Variants in TRIM39 observed in about 807,000 individuals in gnomAD.
The protein encoded by TRIM39 is tripartite motif containing 39, also known as E3 ubiquitin-protein ligase TRIM39.
A neutral mutation model predicts 53.6 loss-of-function variants in TRIM39; 5 were observed. The ratio of observed to expected loss-of-function variants is 0.09; its 90% CI spans 0.05 to 0.20. The LOEUF (loss-of-function observed/expected upper bound fraction) is 0.20. Ranked by LOEUF, TRIM39 falls within the 10% of genes least tolerant of loss-of-function variation. The pLI is 1.00. For synonymous variants in TRIM39, 196 were observed against 237.6 expected, an observed-to-expected ratio of 0.82 and a Z score of 1.61; for missense variants, 310 against 621.0, an observed-to-expected ratio of 0.50 and a Z score of 5.32.
intron 4 of TRIM39, 123 bp downstream of exon 4, chr6:30,330,999 G>A: frequency 8.5e-7 from 1 of 1,181,666 alleles, no homozygotes; most frequent in South Asian, 1.5e-5. Context: ...GCCGGACATG[G>A]TGGCTCACAC....
chr6:30,340,695 T>G, intron 7 of TRIM39, 75 bp downstream of exon 7: 1 of 1,463,548 alleles, frequency 6.8e-7, no homozygotes, highest in Non-Finnish European at 9.2e-7. Flanking sequence ...CTTATATGGG[T>G]TTCAGTTATC....
In TRIM39 at chr6:30,339,126, GCA is replaced by G. The variant is rs1787193642; in HGVS notation, c.781-777_781-776del. Among the ~76,000 whole-genome samples, 1 of 151,638 alleles carries G rather than the reference GCA, an allele frequency of 6.6e-6. No individual in the cohort carries two copies. Among genetic ancestry groups the G allele is most frequent in the Non-Finnish European group, 1.5e-5 (1 of 67,936 alleles). ...CCCAAGTATTCACAAATCAGTATTAGCACACAGTTATTAATGTGTTTATTCTT... is the reference window on the plus strand; with the variant it reads ...CCCAAGTATTCACAAATCAGTATTAGCACAGTTATTAATGTGTTTATTCTT... On this transcript the variant is annotated intron_variant, in intron 5 of 7. Transcript: ENST00000396551. The surrounding 1 kb of genome is among the most constrained non-coding windows in gnomAD (Gnocchi z 4.2).
intron 3 of TRIM39, among the ~76,000 whole-genome samples, chr6:30,330,093 G>T (rs991188125): frequency 5.9e-5 from 9 of 152,182 alleles, no homozygotes. Context: ...AAAGTAGTCT[G>T]GTTTCTTCAT....
rs1787291321 is a variant in TRIM39 at position 30,339,885 on chromosome 6, CT to C, written c.781-20del. ...CCACTGAATACCAGGACCAATATTG[CT>C]TTCTTTTCTCCTTCCTTCTAGGATG... On this transcript the variant is annotated intron_variant, in intron 5 of 7. Coordinates refer to ENST00000396551, the Ensembl canonical transcript of TRIM39. The surrounding 1 kb of genome is among the most constrained non-coding windows in gnomAD (Gnocchi z 4.2). 6.2e-7 allele frequency: 1 copy of C among 1,614,036 alleles called. No individual in the cohort carries two copies. Among genetic ancestry groups the C allele is most frequent in the South Asian group, 1.1e-5 (1 of 91,052 alleles).
At position 30,330,596 on chromosome 6, in the gene TRIM39, G is replaced by A. The variant is rs115670774; in HGVS notation, c.454-185G>A. 3.5e-3 allele frequency among the ~76,000 whole-genome samples: 532 copies of A among 152,280 alleles called. 2 individuals carry two copies. Among genetic ancestry groups the A allele is most frequent in the African/African-American group, 0.012 (487 of 41,550 alleles). On this transcript the variant is annotated intron_variant, in intron 3 of 7. Transcript: ENST00000396551. ...GAGAAGGTGATGTGGACAGGCTAGT[G>A]GCAGGAGGAGGGACTGTAGAAAGTT...
chr6:30,332,472 A>T (rs1322260395), intron 4 of TRIM39, among the ~76,000 whole-genome samples: 1 of 152,232 alleles, frequency 6.6e-6, no homozygotes, highest in African/African-American at 2.4e-5. Context: ...AGAAACATGA[A>T]TTTTTAAATG....
In TRIM39 at chr6:30,335,763, C is replaced by T; in HGVS notation, c.568C>T (p.Arg190Ter). ...TTCTCAGAGACTAGTGGAAAGTCGC[C>T]GACAGCAGATCTTGAGGGAGTTTGA... Residue 190 changes from arginine to a stop codon, truncating the protein, a stop_gained, in exon 5 of 8, where the codon CGA (arginine) becomes TGA (stop). Coordinates refer to ENST00000396551, the Ensembl canonical transcript of TRIM39. LOFTEE classifies it high-confidence loss of function. The surrounding 1 kb of genome is among the most constrained non-coding windows in gnomAD (Gnocchi z 4.7). 1 of 1,612,942 alleles carries T rather than the reference C, an allele frequency of 6.2e-7. No homozygotes were observed. Among genetic ancestry groups the T allele is most frequent in the Non-Finnish European group, 8.5e-7 (1 of 1,180,000 alleles).
intron 5 of TRIM39, among the ~76,000 whole-genome samples, chr6:30,337,996 AC>A (rs2127406166): frequency 6.6e-6 from 1 of 152,316 alleles, no homozygotes; most frequent in East Asian, 1.9e-4. Context: ...AAAACAACCT[AC>A]CTAACTTTAA....
At position 30,329,138 on chromosome 6, in the gene TRIM39, A is replaced by G. The variant is rs1396419819; in HGVS notation, c.-8+97A>G. ...GGAGTCACAAGTTTTGAAAATGGAG[A>G]AACAAAGAGGTTGAATTGATTGGAA... On this transcript the variant is annotated intron_variant, in intron 2 of 7. Transcript: ENST00000396551. 1.2e-5 allele frequency: 9 copies of G among 778,384 alleles called. No homozygotes were observed. In the South Asian group the frequency reaches 1.5e-4, roughly 13 times the overall value. 48.2% of individuals were successfully genotyped at this position (778,384 alleles called of 1,614,324 possible).
At chr6:30,331,658 A>G (rs1786192070) in intron 4 of TRIM39, among the ~76,000 whole-genome samples, 1 of 152,244 alleles carries the variant, frequency 6.6e-6, no homozygotes, top group Non-Finnish European at 1.5e-5. Context: ...AAGTAAGCTT[A>G]CATATGCTAG....
exon 8 of TRIM39, chr6:30,343,536 A>G (rs959284523): frequency 2.0e-5 from 3 of 152,688 alleles, no homozygotes; most frequent in Admixed American, 6.5e-5. Context: ...ATTATCTGCT[A>G]TTCGGGTAAT....
At chr6:30,329,350 C>A in exon 3 of TRIM39, 1 of 1,613,018 alleles carries the variant, frequency 6.2e-7, no homozygotes, top group South Asian at 1.1e-5. Flanking sequence ...AGGCTGGGGC[C>A]TCTGCAGCCT....
Position 30,335,556 on chromosome 6 carries a change from C to G in TRIM39, c.550-189C>G, listed in dbSNP as rs1366689029. On this transcript the variant is annotated intron_variant, in intron 4 of 7. Transcript: ENST00000396551. This position sits in a 1 kb window ranked among gnomAD's most constrained non-coding sequence, Gnocchi z 4.7. ...TAGGCTGGTCTCAAACTTCTCATCC[C>G]AAGCAATCCACCTCCCTCGGCCTCC... 6.6e-6 allele frequency among the ~76,000 whole-genome samples: 1 copy of G among 152,008 alleles called. No individual in the cohort carries two copies. Among genetic ancestry groups the G allele is most frequent in the Non-Finnish European group, 1.5e-5 (1 of 68,026 alleles).
At chr6:30,333,354 T>TTTG in intron 4 of TRIM39, among the ~76,000 whole-genome samples, 1 of 52,460 alleles carries the variant, frequency 1.9e-5, no homozygotes, top group Non-Finnish European at 4.0e-5. Flanking sequence ...GTTTTTGTGG[T>TTTG]TTTTTTTTTT....
Position 30,342,148 on chromosome 6 carries a change from C to G in TRIM39, c.1356C>G (p.Thr452=), listed in dbSNP as rs1787622505. Residue 452 remains threonine, a synonymous_variant, in exon 8 of 8, where the codon ACC becomes ACG. Coordinates refer to ENST00000396551, the Ensembl canonical transcript of TRIM39. The surrounding 1 kb of genome is among the most constrained non-coding windows in gnomAD (Gnocchi z 4.7). ...TCACAGACCGCTCTCATATCTACAC[C>G]TTCACTGATACTTTTACTGAGAAAC... 1.2e-6 allele frequency: 2 copies of G among 1,613,084 alleles called. No individual in the cohort carries two copies. Among genetic ancestry groups the G allele is most frequent in the Non-Finnish European group, 1.7e-6 (2 of 1,180,040 alleles).
intron 5 of TRIM39, among the ~76,000 whole-genome samples, chr6:30,336,417 C>T (rs1786866673): frequency 6.6e-6 from 1 of 152,178 alleles, no homozygotes; most frequent in African/African-American, 2.4e-5. Context: ...TTCAATAAAG[C>T]GAGTATCTTG....
chr6:30,340,728 C>A, intron 7 of TRIM39, 108 bp downstream of exon 7: 2 of 1,120,964 alleles, frequency 1.8e-6, no homozygotes, highest in Non-Finnish European at 2.5e-6. Context: ...TTTCTTACTC[C>A]CACACACACC....
chr6:30,338,565 A>G lies in TRIM39; in HGVS notation c.781-1343A>G, dbSNP rs1048485707. 6.6e-6 allele frequency among the ~76,000 whole-genome samples: 1 copy of G among 150,658 alleles called. No homozygotes were observed. Among genetic ancestry groups the G allele is most frequent in the South Asian group, 2.1e-4 (1 of 4,694 alleles). On this transcript the variant is annotated intron_variant, in intron 5 of 7. Transcript: ENST00000396551. The surrounding 1 kb of genome is among the most constrained non-coding windows in gnomAD (Gnocchi z 4.0). Reference sequence around the variant, plus strand: ...TCACAGTGCCCCCATAACGATTACAATAGTAACATCAAAGATCACTGATCA... The same window carrying G: ...TCACAGTGCCCCCATAACGATTACAGTAGTAACATCAAAGATCACTGATCA...
At chr6:30,329,621 C>T (rs1264228265) in exon 3 of TRIM39, 5 of 1,612,952 alleles carry the variant, frequency 3.1e-6, no homozygotes, top group East Asian at 2.2e-5. Flanking sequence ...GCGGAAGATC[C>T]GGGATGAGAG....
Sources: gnomAD v4.1 joint callset for allele counts (sites outside exome capture counted in the v4.1 genomes callset) on GRCh38, gnomAD v4.1.1 for gene constraint, Gnocchi (gnomAD v3.1) non-coding constraint, MANE v1.5 for transcripts, NCBI Gene and HGNC (gene_info 2026-07-23, HGNC 2026-07-21) for gene names.